Variants in CSF2RA observed in about 807,000 individuals in gnomAD.
The protein encoded by CSF2RA is granulocyte-macrophage colony-stimulating factor receptor subunit alpha.
CSF2RA carries 42 observed loss-of-function variants against 51.6 expected under a neutral mutation model. That is an observed-to-expected ratio of 0.81 (90% CI 0.64 to 1.05). The LOEUF (loss-of-function observed/expected upper bound fraction) is 1.05, where lower values mean the gene tolerates loss of function less well. CSF2RA is among the 50% of genes least tolerant of loss of function. The pLI is 0.00. For synonymous variants in CSF2RA, 222 were observed against 193.0 expected (o/e 1.15, Z -1.24); for missense variants, 530 against 501.1 (o/e 1.06, Z -0.55).
chrX:1,314,509 G>C (rs373011649), downstream of CSF2RA, among the ~76,000 whole-genome samples: 271 of 82,830 alleles, frequency 3.3e-3, 2 homozygotes, highest in African/African-American at 0.011. Context: ...CTGCCCAACC[G>C]CACTGCACCT....
At chrX:1,316,045 C>CAGATAGATCAATAGATAGAT in the CSF2RA span, among the ~76,000 whole-genome samples, 1 of 58,200 alleles carries the variant, frequency 1.7e-5, no homozygotes, top group Non-Finnish European at 4.5e-5. Flanking sequence ...GACCAATAGA[C>CAGATAGATCAATAGATAGAT]AGATAGATAG....
At chrX:1,301,446 C>G (rs1462989369) in intron 10 of CSF2RA, among the ~76,000 whole-genome samples, 1 of 151,684 alleles carries the variant, frequency 6.6e-6, no homozygotes, top group Admixed American at 6.6e-5. Context: ...GCTAGAATCC[C>G]TTAATAGCCA....
At chrX:1,320,186 C>T in the CSF2RA span, among the ~76,000 whole-genome samples, 2 of 151,018 alleles carry the variant, frequency 1.3e-5, no homozygotes, top group Non-Finnish European at 3.0e-5. Context: ...TGAGCCACTG[C>T]GCCCGGCCTG....
At chrX:1,319,441 C>T in the CSF2RA span, among the ~76,000 whole-genome samples, 2 of 149,916 alleles carry the variant, frequency 1.3e-5, no homozygotes, top group African/African-American at 2.4e-5. Flanking sequence ...CTGAACGTCA[C>T]CACACCCGGC....
At chrX:1,324,492 G>A in the CSF2RA span, among the ~76,000 whole-genome samples, 2 of 137,098 alleles carry the variant, frequency 1.5e-5, no homozygotes. Context: ...AGGGAGGGAG[G>A]GAGGGGAGGG....
the CSF2RA span, among the ~76,000 whole-genome samples, chrX:1,320,567 G>A: frequency 9.5e-5 from 14 of 146,766 alleles, no homozygotes; most frequent in South Asian, 1.3e-3. Context: ...GCGTGGTCTT[G>A]GCTCACTGCA....
the CSF2RA span, among the ~76,000 whole-genome samples, chrX:1,318,130 AG>A: frequency 6.6e-6 from 1 of 150,584 alleles, no homozygotes; most frequent in Non-Finnish European, 1.5e-5. Flanking sequence ...CTGGGACTAC[AG>A]GCACCCGCCA....
the CSF2RA span, among the ~76,000 whole-genome samples, chrX:1,318,747 C>G: frequency 1.3e-5 from 2 of 150,942 alleles, no homozygotes; most frequent in African/African-American, 2.4e-5. Flanking sequence ...GAAACCCCAT[C>G]TCTACTAAAA....
rs1282459852 is a variant in CSF2RA, at chrX:1,298,742, AACCCCACATG to A, written c.811-1743_811-1734del. ...GTCCCCTACTCACGACCCCTAGTGTAACCCCACATGACCCCCAGTGTAACCCTATAGTCCC... is the reference window on the plus strand; with the variant it reads ...GTCCCCTACTCACGACCCCTAGTGTAACCCCCAGTGTAACCCTATAGTCCC... On this transcript the variant is annotated intron_variant, in intron 9 of 12. Transcript: ENST00000381529. 1.1e-4 allele frequency among the ~76,000 whole-genome samples: 6 copies of A among 56,902 alleles called. 1 individual carries two copies. Among genetic ancestry groups the A allele is most frequent in the African/African-American group, 1.5e-4 (3 of 19,876 alleles). 37.3% of individuals were successfully genotyped at this position (56,902 alleles called of 152,430 possible).
intron 8 of CSF2RA, 145 bp downstream of exon 8, chrX:1,294,606 T>C: frequency 9.4e-7 from 1 of 1,069,208 alleles, no homozygotes; most frequent in Non-Finnish European, 1.4e-6. Context: ...GCACTTCGGG[T>C]AGCGGAGGAA....
At chrX:1,296,295 C>T (rs1285106714) in intron 9 of CSF2RA, among the ~76,000 whole-genome samples, 1 of 148,408 alleles carries the variant, frequency 6.7e-6, no homozygotes, top group Non-Finnish European at 1.5e-5. Context: ...CCTGGCGGAA[C>T]TGTACAGTCC....
chrX:1,275,924 C>T (rs1334586220), intron 2 of CSF2RA, among the ~76,000 whole-genome samples: 1 of 151,782 alleles, frequency 6.6e-6, no homozygotes, highest in African/African-American at 2.4e-5. Flanking sequence ...AACTTGTGAC[C>T]TCACATGATC....
chrX:1,294,176 T>C, intron 7 of CSF2RA, 152 bp from the exon 8 acceptor site: 2 of 924,092 alleles, frequency 2.2e-6, no homozygotes, highest in South Asian at 2.6e-5. Context: ...GTGTCCCTAC[T>C]CCACCTCCAC....
At position 1,307,408 on chromosome X, in the gene CSF2RA, G is replaced by T. The variant is rs1443704839; in HGVS notation, c.1125+1881G>T. 3.6e-3 allele frequency among the ~76,000 whole-genome samples: 517 copies of T among 143,814 alleles called. 10 individuals are homozygous for T. The highest frequency in any genetic ancestry group is 0.013 in the African/African-American group (482 of 36,822). 94.3% of individuals were successfully genotyped at this position (143,814 alleles called of 152,430 possible). On this transcript the variant is annotated intron_variant, in intron 12 of 12. Coordinates refer to ENST00000381529, the MANE Select transcript of CSF2RA (RefSeq NM_172245.4). Reference sequence around the variant, plus strand: ...ACCATTCCCCTTTAGACCTTCGACTGATCAGATGAAGCCCACCCTTCCCCT... The same window carrying T: ...ACCATTCCCCTTTAGACCTTCGACTTATCAGATGAAGCCCACCCTTCCCCT...
chrX:1,308,269 C>T (rs1168884905), intron 12 of CSF2RA, among the ~76,000 whole-genome samples: 4 of 151,646 alleles, frequency 2.6e-5, no homozygotes, highest in Non-Finnish European at 4.4e-5. Flanking sequence ...GTATCAGAGA[C>T]GAAGGCCAAG....
At chrX:1,307,385 C>CCTTCCCCCTTCAGCCTTTCGACTG (rs2083688947) in intron 12 of CSF2RA, among the ~76,000 whole-genome samples, 1 of 137,600 alleles carries the variant, frequency 7.3e-6, no homozygotes, top group African/African-American at 3.0e-5. Context: ...TGAGGCCCAC[C>CCTTCCCCCTTCAGCCTTTCGACTG]ATTCCCCTTT....
the CSF2RA span, among the ~76,000 whole-genome samples, chrX:1,318,720 C>A: frequency 3.3e-5 from 5 of 151,240 alleles, no homozygotes; most frequent in Admixed American, 6.6e-5. Context: ...GATCGAGACC[C>A]TCCTGGCTAA....
intron 6 of CSF2RA, among the ~76,000 whole-genome samples, chrX:1,289,608 GTTTGTT>G (rs2091141967): frequency 6.8e-6 from 1 of 147,686 alleles, no homozygotes; most frequent in Non-Finnish European, 1.5e-5. Context: ...TGTTTTTTGT[GTTTGTT>G]TTTGTTTTGT....
the CSF2RA span, among the ~76,000 whole-genome samples, chrX:1,315,591 G>A: frequency 2.6e-5 from 4 of 152,038 alleles, no homozygotes; most frequent in Non-Finnish European, 5.9e-5. Context: ...TTTTTGTAGA[G>A]ACAGGATTTC....
Sources: gnomAD v4.1 joint callset for allele counts (sites outside exome capture counted in the v4.1 genomes callset) on GRCh38, gnomAD v4.1.1 for gene constraint, MANE v1.5 for transcripts, NCBI Gene and HGNC (gene_info 2026-07-23, HGNC 2026-07-21) for gene names.